The following SLC24A2 variants were observed in gnomAD, a reference collection of about 807,000 sequenced individuals.
SLC24A2 encodes solute carrier family 24 member 2, also known as sodium/potassium/calcium exchanger 2.
A neutral mutation model predicts 62.0 loss-of-function variants in SLC24A2; 36 were observed. That is an observed-to-expected ratio of 0.58 (90% CI 0.44 to 0.77). The LOEUF (loss-of-function observed/expected upper bound fraction) is 0.77, where lower values mean the gene tolerates loss of function less well. Ranked by LOEUF, SLC24A2 falls within the 30% of genes least tolerant of loss-of-function variation. SLC24A2 has a pLI of 0.00. For synonymous variants in SLC24A2, 358 were observed against 294.0 expected (o/e 1.22, Z -2.23); for missense variants, 846 against 817.9 (o/e 1.03, Z -0.42).
chr9:19,763,885 T>C (rs1402373584), intron 2 of SLC24A2, among the ~76,000 whole-genome samples: 1 of 152,224 alleles, frequency 6.6e-6, no homozygotes, highest in Non-Finnish European at 1.5e-5. Context: ...TCAGAAGGAA[T>C]GATACCAGCT....
intron 2 of SLC24A2, among the ~76,000 whole-genome samples, chr9:19,636,281 C>CT (rs768881798): frequency 1.3e-5 from 1 of 74,092 alleles, no homozygotes. Context: ...TTCTTCTCTT[C>CT]TTCTCTTCTT....
intron 4 of SLC24A2, among the ~76,000 whole-genome samples, chr9:19,609,259 G>C (rs992515396): frequency 6.6e-6 from 1 of 152,220 alleles, no homozygotes; most frequent in Admixed American, 6.5e-5. Flanking sequence ...AAATGCTCCA[G>C]GAAGCCCCTC....
the SLC24A2 span, among the ~76,000 whole-genome samples, chr9:20,229,831 C>A: frequency 1.3e-5 from 2 of 151,716 alleles, no homozygotes; most frequent in Non-Finnish European, 1.5e-5. Context: ...ATGCTGCACC[C>A]ATTAACTCGT....
chr9:19,850,984 TG>T, the SLC24A2 span, among the ~76,000 whole-genome samples: 23 of 30,524 alleles, frequency 7.5e-4, 2 homozygotes, highest in South Asian at 1.6e-3. Flanking sequence ...TATATATATA[TG>T]TATATATATA....
chr9:20,217,225 A>G, the SLC24A2 span, among the ~76,000 whole-genome samples: 1 of 152,236 alleles, frequency 6.6e-6, no homozygotes, highest in Non-Finnish European at 1.5e-5. Context: ...GAAATTGCCA[A>G]CTGTATGATT....
chr9:19,932,886 C>A, the SLC24A2 span, among the ~76,000 whole-genome samples: 3 of 152,250 alleles, frequency 2.0e-5, no homozygotes, highest in Admixed American at 6.5e-5. Context: ...ATAATACTCT[C>A]AGATTCCCCC....
At chr9:19,562,260 TCA>T (rs1835441987) in intron 7 of SLC24A2, among the ~76,000 whole-genome samples, 1 of 152,242 alleles carries the variant, frequency 6.6e-6, no homozygotes, top group Admixed American at 6.5e-5. Context: ...AAAAATCATT[TCA>T]TCTTATCAAC....
chr9:20,162,068 T>C, the SLC24A2 span, among the ~76,000 whole-genome samples: 1 of 151,684 alleles, frequency 6.6e-6, no homozygotes, highest in Non-Finnish European at 1.5e-5. Context: ...TTCAGCAAGA[T>C]AGCAAGATAT....
chr9:19,551,429 G>T (rs778528933), intron 7 of SLC24A2, among the ~76,000 whole-genome samples: 18 of 152,072 alleles, frequency 1.2e-4, no homozygotes, highest in Non-Finnish European at 2.4e-4. Context: ...CCCAGCAGGG[G>T]GTGACCGTTA....
chr9:19,849,351 A>G, the SLC24A2 span, among the ~76,000 whole-genome samples: 1 of 152,218 alleles, frequency 6.6e-6, no homozygotes, highest in African/African-American at 2.4e-5. Flanking sequence ...AAAGCATATA[A>G]GTAATATTTT....
chr9:19,603,104 C>T (rs1170918844), intron 4 of SLC24A2, among the ~76,000 whole-genome samples: 5 of 151,560 alleles, frequency 3.3e-5, no homozygotes, highest in Admixed American at 6.6e-5. Context: ...GAATTCATTT[C>T]TAATTTCAGA....
intron 2 of SLC24A2, among the ~76,000 whole-genome samples, chr9:19,656,532 A>G (rs1818947538): frequency 6.6e-6 from 1 of 152,086 alleles, no homozygotes; most frequent in African/African-American, 2.4e-5. Flanking sequence ...TCTCATGGAA[A>G]TCCTTCTCCT....
the SLC24A2 span, among the ~76,000 whole-genome samples, chr9:19,829,624 A>G: frequency 6.6e-6 from 1 of 151,752 alleles, no homozygotes; most frequent in Non-Finnish European, 1.5e-5. Context: ...TCAGCTATTC[A>G]GGAGGCTGTG....
intron 8 of SLC24A2, among the ~76,000 whole-genome samples, chr9:19,541,537 C>T (rs1207697533): frequency 6.8e-6 from 1 of 146,768 alleles, no homozygotes; most frequent in African/African-American, 2.6e-5. Context: ...GGGTCAGGGA[C>T]CCAATTGAGG....
chr9:19,973,079 T>C, the SLC24A2 span, among the ~76,000 whole-genome samples: 1 of 152,176 alleles, frequency 6.6e-6, no homozygotes. Context: ...GGTGTGCGAC[T>C]GTAGTCCCAG....
intron 2 of SLC24A2, among the ~76,000 whole-genome samples, chr9:19,756,788 T>C (rs948182307): frequency 6.6e-6 from 1 of 152,124 alleles, no homozygotes; most frequent in Non-Finnish European, 1.5e-5. Context: ...AGATGATGTT[T>C]CTCTAGTCTT....
intron 8 of SLC24A2, among the ~76,000 whole-genome samples, chr9:19,547,771 C>G (rs961046844): frequency 6.6e-6 from 1 of 151,554 alleles, no homozygotes; most frequent in Non-Finnish European, 1.5e-5. Context: ...GTATCTGTCT[C>G]CCTGATTTTC....
At chr9:19,721,687 A>T (rs542080688) in intron 2 of SLC24A2, among the ~76,000 whole-genome samples, 166 of 152,274 alleles carry the variant, frequency 1.1e-3, no homozygotes, top group African/African-American at 3.9e-3. Flanking sequence ...TCTTCATCAC[A>T]TCATTCCTAT....
chr9:20,166,195 C>A, the SLC24A2 span, among the ~76,000 whole-genome samples: 11 of 151,900 alleles, frequency 7.2e-5, no homozygotes, highest in Non-Finnish European at 1.0e-4. Flanking sequence ...AATGATACAG[C>A]TTCTATAAAG....
Sources: gnomAD v4.1 joint callset for allele counts (sites outside exome capture counted in the v4.1 genomes callset) on GRCh38, gnomAD v4.1.1 for gene constraint, MANE v1.5 for transcripts, NCBI Gene and HGNC (gene_info 2026-07-23, HGNC 2026-07-21) for gene names.